TGFBR3: variants seen among roughly 807,000 people sequenced by gnomAD.
TGFBR3 encodes transforming growth factor beta receptor type 3.
Under a neutral mutation model 87.9 loss-of-function variants are expected in TGFBR3, and 46 were observed. The observed-to-expected ratio is 0.52, with a 90% confidence interval of 0.41 to 0.67. The LOEUF is 0.67. Among genes scored for constraint, TGFBR3 ranks in the 30% least tolerant of loss-of-function variants. TGFBR3 has a pLI of 0.00. For synonymous variants in TGFBR3, 381 were observed against 391.6 expected (o/e 0.97, Z 0.32); for missense variants, 866 against 1,041.9 (o/e 0.83, Z 2.32).
Position 91,696,803 on chromosome 1 carries a change from C to G in TGFBR3, c.2330-1024G>C, listed in dbSNP as rs61054924. ...GATCTCTGTATAAATTAAATCCCTGCCTTTCAACTCACTTCAGTGTAAAGA... is the reference window on the plus strand; with the variant it reads ...GATCTCTGTATAAATTAAATCCCTGGCTTTCAACTCACTTCAGTGTAAAGA... On this transcript the variant is annotated intron_variant, in intron 15 of 16. Coordinates refer to ENST00000212355, the MANE Select transcript of TGFBR3 (RefSeq NM_003243.5). Among the ~76,000 whole-genome samples, 69 of 152,218 alleles carry G rather than the reference C, an allele frequency of 4.5e-4. No individual in the cohort carries two copies. In the East Asian group the frequency reaches 8.7e-3, roughly 19 times the overall value.
At chr1:91,741,352 G>A (rs765401091) in intron 4 of TGFBR3, among the ~76,000 whole-genome samples, 7 of 152,112 alleles carry the variant, frequency 4.6e-5, no homozygotes, top group Admixed American at 6.5e-5. Context: ...CGGGGAAGGG[G>A]TGAGGAGCTT....
In TGFBR3 at chr1:91,682,870, C is replaced by T; in HGVS notation, c.*869G>A. The T allele has an allele frequency of 2.2e-6, 1 of 453,010 alleles. No homozygotes were observed. The highest frequency in any genetic ancestry group is 4.4e-6 in the Non-Finnish European group (1 of 225,706). The allele number at this position is 453,010 out of a possible 1,614,324, so 28.1% of individuals were successfully genotyped here. A position where few individuals can be genotyped will look rare whatever the true frequency, so the allele number is the denominator to read the frequency against. On this transcript the variant is annotated 3_prime_UTR_variant, in exon 17 of 17. Transcript: ENST00000212355. Reference sequence around the variant, plus strand: ...CTTGCATACACATAGAAATATATCACTGTGCAAATTCGTCCTTGACTTTAT... The same window carrying T: ...CTTGCATACACATAGAAATATATCATTGTGCAAATTCGTCCTTGACTTTAT...
chr1:91,779,986 C>T (rs1011843040), intron 3 of TGFBR3, among the ~76,000 whole-genome samples: 2 of 152,244 alleles, frequency 1.3e-5, no homozygotes, highest in South Asian at 4.1e-4. Context: ...GGGTTCCAGA[C>T]CACCAATCTC....
chr1:91,751,017 C>T (rs889105770), intron 4 of TGFBR3, among the ~76,000 whole-genome samples: 2 of 152,176 alleles, frequency 1.3e-5, no homozygotes, highest in African/African-American at 2.4e-5. Context: ...AGCTCCCTGA[C>T]GACAGGCAAT....
intron 1 of TGFBR3, among the ~76,000 whole-genome samples, chr1:91,903,390 A>T (rs72716487): frequency 0.013 from 1,948 of 147,996 alleles, 14 homozygotes; most frequent in Middle Eastern, 0.055. Context: ...CCTCTGTCTC[A>T]TAAGAGAAAG....
Position 91,896,898 on chromosome 1 carries a change from C to T in TGFBR3, c.-114+2739G>A, listed in dbSNP as rs569470846. 5.7e-5 allele frequency among the ~76,000 whole-genome samples: 8 copies of T among 139,502 alleles called. No homozygotes were observed. The East Asian group carries it at 1.5e-3, about 26-fold the overall frequency. 91.5% of individuals were successfully genotyped at this position (139,502 alleles called of 152,430 possible). A position where few individuals can be genotyped will look rare whatever the true frequency, so the allele number is the denominator to read the frequency against. On this transcript the variant is annotated intron_variant, in intron 2 of 17. Coordinates refer to the TGFBR3 transcript ENST00000370399. ...CCCTCATTAATGTACACATCCCCTA[C>T]TTCCTACTCACTTTTTCTTTTCTTT...
intron 2 of TGFBR3, among the ~76,000 whole-genome samples, chr1:91,825,686 A>G (rs896762045): frequency 4.6e-5 from 7 of 152,244 alleles, no homozygotes; most frequent in African/African-American, 1.7e-4. Context: ...TATACTATCA[A>G]TAGTCCACTT....
chr1:91,855,313 T>C (rs2101162860), intron 2 of TGFBR3, among the ~76,000 whole-genome samples: 1 of 152,316 alleles, frequency 6.6e-6, no homozygotes, highest in Admixed American at 6.5e-5. Flanking sequence ...CTGGCATCAA[T>C]GCCAGCAGCC....
chr1:91,831,330 G>A (rs1479391765), intron 2 of TGFBR3, among the ~76,000 whole-genome samples: 3 of 152,206 alleles, frequency 2.0e-5, no homozygotes, highest in East Asian at 1.9e-4. Context: ...GAGCATAAAC[G>A]TCACTTAGTC....
At chr1:91,732,564 GT>G (rs1431865785) in intron 5 of TGFBR3, among the ~76,000 whole-genome samples, 1 of 152,222 alleles carries the variant, frequency 6.6e-6, no homozygotes, top group Non-Finnish European at 1.5e-5. Flanking sequence ...ATTCTGGGAA[GT>G]GGGGGATGAA....
At chr1:91,831,690 G>A (rs1240342824) in intron 2 of TGFBR3, among the ~76,000 whole-genome samples, 8 of 152,124 alleles carry the variant, frequency 5.3e-5, no homozygotes, top group Non-Finnish European at 1.2e-4. Context: ...TTTGTCCTTA[G>A]GCAAATAGTT....
In TGFBR3 at chr1:91,704,340, A is replaced by AG. The variant is rs1557666208; in HGVS notation, c.2287+4322_2287+4323insC. Among the ~76,000 whole-genome samples the AG allele has an allele frequency of 1.2e-4, 18 of 150,550 alleles. 1 individual carries two copies. Among genetic ancestry groups the AG allele is most frequent in the African/African-American group, 2.9e-4 (12 of 40,758 alleles). On this transcript the variant is annotated intron_variant, in intron 14 of 16. Transcript: ENST00000212355. ...GAGACTTTGTCTCAAAAAAAAAAAA[A>AG]AAAGAAAGAAAGAAAGAAAGAAAAG...
In TGFBR3 at chr1:91,720,192, G is replaced by A. The variant is rs760206017; in HGVS notation, c.1114C>T (p.Pro372Ser). ...GGGTCCAGCAGGATCCGTAGCTCAG[G>A]AGGAATAGTGTGGACTTCCTCATCT... is the stretch of plus-strand genomic sequence containing the variant. ...MGDEEVHTIP[P>S]ELRILLDPGA... The change falls in exon 9 of 17, where the codon CCT becomes TCT. Residue 372 changes from proline (P) to serine (S), a missense_variant. Physicochemically the swap from Pro to Ser is moderately conservative, Grantham distance 74. Coordinates refer to ENST00000212355, the MANE Select transcript of TGFBR3 (RefSeq NM_003243.5). The A allele has an allele frequency of 1.7e-5, 27 of 1,610,960 alleles. No individual in the cohort carries two copies. The highest frequency in any genetic ancestry group is 2.3e-5 in the Non-Finnish European group (27 of 1,178,464).
intron 2 of TGFBR3, among the ~76,000 whole-genome samples, chr1:91,860,510 A>G (rs1678138974): frequency 6.6e-6 from 1 of 152,176 alleles, no homozygotes; most frequent in African/African-American, 2.4e-5. Context: ...TAAGCTTCCA[A>G]ATTTACTAAG....
At position 91,790,790 on chromosome 1, in the gene TGFBR3, T is replaced by C. The variant is rs955185939; in HGVS notation, c.246+6497A>G. Among the ~76,000 whole-genome samples the C allele has an allele frequency of 6.6e-5, 10 of 152,232 alleles. No homozygotes were observed. The East Asian group carries it at 1.5e-3, about 24-fold the overall frequency. Reference sequence around the variant, plus strand: ...GCAGCAGGGTAAAAAATGCCCCAGATAGAGAAAAGAATGTAGCTAGTTTAA... The same window carrying C: ...GCAGCAGGGTAAAAAATGCCCCAGACAGAGAAAAGAATGTAGCTAGTTTAA... On this transcript the variant is annotated intron_variant, in intron 3 of 16. Transcript: ENST00000212355.
intron 2 of TGFBR3, among the ~76,000 whole-genome samples, chr1:91,815,646 C>T (rs1182843089): frequency 6.6e-6 from 1 of 152,146 alleles, no homozygotes; most frequent in Admixed American, 6.6e-5. Flanking sequence ...TGACTTAGGG[C>T]CCCTCTCTTG....
At chr1:91,789,057 G>A (rs1675081524) in intron 3 of TGFBR3, among the ~76,000 whole-genome samples, 1 of 152,156 alleles carries the variant, frequency 6.6e-6, no homozygotes, top group African/African-American at 2.4e-5. Flanking sequence ...CAGCACTTTG[G>A]GAAGCCGAGG....
intron 2 of TGFBR3, among the ~76,000 whole-genome samples, chr1:91,825,783 C>T (rs1387003791): frequency 6.6e-6 from 1 of 152,130 alleles, no homozygotes; most frequent in African/African-American, 2.4e-5. Flanking sequence ...GAGTTTGAAA[C>T]CAGCCTGGCC....
At chr1:91,725,406 A>T (rs1250634351) in intron 7 of TGFBR3, among the ~76,000 whole-genome samples, 1 of 152,214 alleles carries the variant, frequency 6.6e-6, no homozygotes, top group African/African-American at 2.4e-5. Context: ...TGGAAGGAAG[A>T]TGAACCCCCT....
Sources: allele counts gnomAD v4.1 joint callset (sites outside exome capture counted in the v4.1 genomes callset), GRCh38; gene constraint gnomAD v4.1.1; transcripts MANE v1.5; gene names NCBI Gene and HGNC (gene_info 2026-07-23, HGNC 2026-07-21).